The following APBB2 variants were observed in gnomAD, a reference collection of about 807,000 sequenced individuals.
The protein encoded by APBB2 is Fe65-like 1.
APBB2 carries 38 observed loss-of-function variants against 82.5 expected under a neutral mutation model. That is an observed-to-expected ratio of 0.46 (90% CI 0.36 to 0.60). The LOEUF (loss-of-function observed/expected upper bound fraction) is 0.60, where lower values mean the gene tolerates loss of function less well. Ranked by LOEUF, APBB2 falls within the 20% of genes least tolerant of loss-of-function variation. APBB2 has a pLI of 0.00. For missense variants in APBB2, 772 were observed against 972.3 expected (o/e 0.79, Z 2.74); for synonymous variants, 341 against 368.2 (o/e 0.93, Z 0.85).
intron 6 of APBB2, among the ~76,000 whole-genome samples, chr4:40,966,905 T>C (rs1048477384): frequency 2.2e-4 from 34 of 152,270 alleles, no homozygotes; most frequent in African/African-American, 8.2e-4. Context: ...AAACCGCACC[T>C]TCAGGCCAGG....
chr4:40,908,334 C>T (rs1488658946), intron 10 of APBB2, among the ~76,000 whole-genome samples: 1 of 152,142 alleles, frequency 6.6e-6, no homozygotes, highest in Non-Finnish European at 1.5e-5. Flanking sequence ...CAGCCCCAGC[C>T]AACAAACACA....
At chr4:41,211,999 C>T (rs1283280243) in intron 1 of APBB2, among the ~76,000 whole-genome samples, 1 of 152,170 alleles carries the variant, frequency 6.6e-6, no homozygotes, top group East Asian at 1.9e-4. Flanking sequence ...CTGATGCTCT[C>T]CCTTCCATTT....
intron 11 of APBB2, 124 bp from the exon 12 acceptor site, chr4:40,890,615 T>C: frequency 3.8e-6 from 5 of 1,328,288 alleles, no homozygotes; most frequent in Non-Finnish European, 5.1e-6. Flanking sequence ...CTGTAATTTG[T>C]CTGCCTAAGA....
intron 10 of APBB2, among the ~76,000 whole-genome samples, chr4:40,915,859 G>A (rs914041028): frequency 2.6e-5 from 4 of 152,104 alleles, no homozygotes; most frequent in African/African-American, 9.7e-5. Context: ...TTTCACGAAT[G>A]AGTAAATCCA....
intron 4 of APBB2, among the ~76,000 whole-genome samples, chr4:41,045,206 T>TA (rs1287649377): frequency 2.0e-5 from 3 of 152,120 alleles, no homozygotes; most frequent in Admixed American, 6.5e-5. Context: ...AATTCAGACT[T>TA]ACGCTGCTCT....
chr4:41,027,959 G>A (rs941633446), intron 5 of APBB2, among the ~76,000 whole-genome samples: 6 of 152,226 alleles, frequency 3.9e-5, no homozygotes, highest in Admixed American at 2.0e-4. Context: ...TCCTAATCCA[G>A]AGGTGGGTAT....
chr4:40,907,506 G>T (rs947264402), intron 10 of APBB2, among the ~76,000 whole-genome samples: 3 of 150,390 alleles, frequency 2.0e-5, no homozygotes, highest in Non-Finnish European at 4.4e-5. Context: ...AAGTAGCTGG[G>T]ATTACAGGTG....
intron 2 of APBB2, among the ~76,000 whole-genome samples, chr4:41,125,735 A>G (rs1340891479): frequency 1.3e-5 from 2 of 152,216 alleles, no homozygotes; most frequent in African/African-American, 4.8e-5. Flanking sequence ...TCCAACTCCT[A>G]CTGTAAGTAA....
At chr4:41,051,242 C>A (rs1374201788) in intron 4 of APBB2, among the ~76,000 whole-genome samples, 1 of 152,220 alleles carries the variant, frequency 6.6e-6, no homozygotes, top group African/African-American at 2.4e-5. Context: ...CTAAGTGCCT[C>A]AGCCACAAAC....
At chr4:41,187,857 A>C (rs1773305391) in intron 1 of APBB2, among the ~76,000 whole-genome samples, 1 of 152,248 alleles carries the variant, frequency 6.6e-6, no homozygotes, top group South Asian at 2.1e-4. Context: ...GCAGAGGCAA[A>C]GGAAAAAAGT....
intron 4 of APBB2, among the ~76,000 whole-genome samples, chr4:41,041,890 A>T (rs1164403851): frequency 6.6e-6 from 1 of 152,220 alleles, no homozygotes; most frequent in East Asian, 1.9e-4. Flanking sequence ...TTAAATGTAG[A>T]TTTTTCCATT....
At chr4:41,192,650 G>T (rs1281829990) in intron 1 of APBB2, among the ~76,000 whole-genome samples, 1 of 152,128 alleles carries the variant, frequency 6.6e-6, no homozygotes, top group Non-Finnish European at 1.5e-5. Flanking sequence ...GGGAGGTGGG[G>T]AAATATAGGT....
chr4:40,928,384 G>C (rs181740563), intron 10 of APBB2, among the ~76,000 whole-genome samples: 4 of 129,692 alleles, frequency 3.1e-5, no homozygotes, highest in East Asian at 2.3e-4. Context: ...CTCTACTAAA[G>C]AAAACACACA....
intron 4 of APBB2, among the ~76,000 whole-genome samples, chr4:41,047,378 G>C (rs1299061910): frequency 6.6e-6 from 1 of 152,262 alleles, no homozygotes; most frequent in Non-Finnish European, 1.5e-5. Context: ...TTATAGTCAG[G>C]ATTTATACAG....
intron 4 of APBB2, among the ~76,000 whole-genome samples, chr4:41,059,143 G>T (rs966072731): frequency 6.6e-6 from 1 of 151,832 alleles, no homozygotes; most frequent in Non-Finnish European, 1.5e-5. Flanking sequence ...CACCCATGAA[G>T]CATCAGGTCC....
intron 7 of APBB2, 105 bp downstream of exon 7, chr4:40,944,760 A>C: frequency 1.8e-6 from 2 of 1,129,936 alleles, no homozygotes; most frequent in Middle Eastern, 3.0e-4. Context: ...CACAATAATC[A>C]AAAAGCTTAC....
rs577522802 is a variant in APBB2 at position 41,135,103 on chromosome 4, C to A, written c.-261+7884G>T. 2.1e-4 allele frequency among the ~76,000 whole-genome samples: 31 copies of A among 148,808 alleles called. No homozygotes were observed. The East Asian group carries it at 6.2e-3, about 30-fold the overall frequency. ...ATTACTGTCTTACTTTTCATATGCT[C>A]TGTGACATTTTAACCAGACACCAGA... On this transcript the variant is annotated intron_variant, in intron 2 of 17. Transcript: ENST00000508593.
At chr4:40,863,891 C>CAAAAAAAAAAAAAA (rs60135616) in intron 12 of APBB2, among the ~76,000 whole-genome samples, 1 of 33,000 alleles carries the variant, frequency 3.0e-5, no homozygotes, top group African/African-American at 1.1e-4. Context: ...GAGACTGTCT[C>CAAAAAAAAAAAAAA]AAAAAAAAAA....
In APBB2 at chr4:40,953,363, TAGA is replaced by T. The variant is rs559999977; in HGVS notation, c.836-8293_836-8291del. Among the ~76,000 whole-genome samples the T allele has an allele frequency of 2.0e-5, 3 of 149,852 alleles. No individual in the cohort carries two copies. The East Asian group carries it at 5.9e-4, about 29-fold the overall frequency. ...ACCCAGATGGACAGCATTGGGAAAT[TAGA>T]AGATGAATAAATAAGGATGACAACA... On this transcript the variant is annotated intron_variant, in intron 6 of 17. Transcript: ENST00000508593.
Sources: allele counts gnomAD v4.1 joint callset (sites outside exome capture counted in the v4.1 genomes callset), GRCh38; gene constraint gnomAD v4.1.1; transcripts MANE v1.5; gene names NCBI Gene and HGNC (gene_info 2026-07-23, HGNC 2026-07-21).